Variants in PRKX observed in about 807,000 individuals in gnomAD.
The protein encoded by PRKX is cAMP-dependent protein kinase catalytic subunit PRKX.
In PRKX, 12 loss-of-function variants were observed where a neutral mutation model predicts 22.0. That is an observed-to-expected ratio of 0.54 (90% CI 0.35 to 0.88). The LOEUF is 0.88. Among genes scored for constraint, PRKX ranks in the 40% least tolerant of loss-of-function variants. The pLI, the probability that PRKX is intolerant of heterozygous loss-of-function variation, is 0.01. For missense variants in PRKX, 217 were observed against 308.0 expected, an observed-to-expected ratio of 0.70 and a Z score of 2.21; for synonymous variants, 134 against 137.7, an observed-to-expected ratio of 0.97 and a Z score of 0.19.
chrX:3,646,185 C>T (rs182508610), intron 3 of PRKX, among the ~76,000 whole-genome samples: 8 of 109,062 alleles, frequency 7.3e-5, no homozygotes, highest in African/African-American at 1.7e-4. Context: ...CCAGCTACTC[C>T]GGAGGCTGAG....
chrX:3,637,840 C>G lies in PRKX; in HGVS notation c.719+4012G>C, dbSNP rs1241147234. ...GGAGTGCAGTGGTGCGATCTCGGCTCACCGCAACCTACCCGCCTCCTAGGT... is the reference window on the plus strand; with the variant it reads ...GGAGTGCAGTGGTGCGATCTCGGCTGACCGCAACCTACCCGCCTCCTAGGT... On this transcript the variant is annotated intron_variant, in intron 4 of 8. Coordinates refer to ENST00000262848, the MANE Select transcript of PRKX (RefSeq NM_005044.5). Among the ~76,000 whole-genome samples, 6 of 107,581 alleles carry G rather than the reference C, an allele frequency of 5.6e-5. No homozygotes were observed. In the South Asian group the frequency reaches 2.5e-3, roughly 45 times the overall value. 93.4% of individuals were successfully genotyped at this position (107,581 alleles called of 115,157 possible). A position where few individuals can be genotyped will look rare whatever the true frequency, so the allele number is the denominator to read the frequency against.
In PRKX at chrX:3,698,767, T is replaced by C. The variant is rs756367340; in HGVS notation, c.166+14321A>G. Among the ~76,000 whole-genome samples the C allele has an allele frequency of 4.6e-5, 5 of 108,535 alleles. No homozygotes were observed. In the South Asian group the frequency reaches 2.0e-3, roughly 44 times the overall value. 94.2% of individuals were successfully genotyped at this position (108,535 alleles called of 115,157 possible). On this transcript the variant is annotated intron_variant, in intron 1 of 8. Coordinates refer to ENST00000262848, the MANE Select transcript of PRKX (RefSeq NM_005044.5). Reference sequence around the variant, plus strand: ...CCACACACCCGGCTAATTTTTGTAGTTTTGGTAGAGACAGAGTTTCACCAT... The same window carrying C: ...CCACACACCCGGCTAATTTTTGTAGCTTTGGTAGAGACAGAGTTTCACCAT...
intron 2 of PRKX, among the ~76,000 whole-genome samples, chrX:3,658,554 C>G (rs1351080888): frequency 5.4e-5 from 6 of 111,450 alleles, no homozygotes. Flanking sequence ...TCCCGAAGTG[C>G]TGGGATTACA....
intron 4 of PRKX, among the ~76,000 whole-genome samples, chrX:3,631,754 AC>A (rs1730485065): frequency 9.0e-6 from 1 of 110,875 alleles, no homozygotes; most frequent in South Asian, 3.8e-4. Flanking sequence ...GGAGGCAGAG[AC>A]TGCAGTGATG....
At position 3,650,851 on chromosome X, in the gene PRKX, C is replaced by T. The variant is rs1043888667; in HGVS notation, c.599+4298G>A. On this transcript the variant is annotated intron_variant, in intron 3 of 8. Transcript: ENST00000262848. ...CCAAGATCCCACCACTGCACTCCAGCCTGAGTGACAGAGTAAGACCCTGTC... is the reference window on the plus strand; with the variant it reads ...CCAAGATCCCACCACTGCACTCCAGTCTGAGTGACAGAGTAAGACCCTGTC... Among the ~76,000 whole-genome samples, 4 of 101,708 alleles carry T rather than the reference C, an allele frequency of 3.9e-5. No individual in the cohort carries two copies. In the Admixed American group the frequency reaches 4.2e-4, roughly 11 times the overall value. 88.3% of individuals were successfully genotyped at this position (101,708 alleles called of 115,157 possible).
intron 1 of PRKX, among the ~76,000 whole-genome samples, chrX:3,675,039 A>G (rs1927923146): frequency 8.9e-6 from 1 of 111,906 alleles, no homozygotes; most frequent in Admixed American, 9.5e-5. Context: ...TGGTTCCTCA[A>G]TTTGGGGACA....
chrX:3,617,590 G>A (rs1311279846), intron 6 of PRKX, among the ~76,000 whole-genome samples: 3 of 110,545 alleles, frequency 2.7e-5, no homozygotes, highest in Non-Finnish European at 5.7e-5. Flanking sequence ...AGGCTGCAGT[G>A]AGCTGTGATC....
intron 6 of PRKX, among the ~76,000 whole-genome samples, chrX:3,617,198 TATATAC>T (rs1257576790): frequency 9.1e-6 from 1 of 109,392 alleles, no homozygotes; most frequent in Non-Finnish European, 1.9e-5. Flanking sequence ...TACACATACT[TATATAC>T]ATACACGTTA....
At chrX:3,670,952 T>G (rs1427853667) in intron 2 of PRKX, among the ~76,000 whole-genome samples, 1 of 112,308 alleles carries the variant, frequency 8.9e-6, no homozygotes, top group African/African-American at 3.2e-5. Flanking sequence ...GATCCAAAAC[T>G]TTTCATGAGA....
At chrX:3,636,971 AAAAGGGG>A (rs1187305647) in intron 4 of PRKX, among the ~76,000 whole-genome samples, 2 of 106,275 alleles carry the variant, frequency 1.9e-5, no homozygotes, top group Non-Finnish European at 3.9e-5. Context: ...AAGGAAAGGA[AAAAGGGG>A]AAAGGGGAAA....
At chrX:3,708,778 C>T (rs1248790522) in intron 1 of PRKX, among the ~76,000 whole-genome samples, 5 of 108,114 alleles carry the variant, frequency 4.6e-5, no homozygotes, top group African/African-American at 6.8e-5. Flanking sequence ...GCAGGAGAAT[C>T]GCTTGAACCC....
chrX:3,702,538 C>A (rs1183659647), intron 1 of PRKX, among the ~76,000 whole-genome samples: 1 of 105,531 alleles, frequency 9.5e-6, no homozygotes, highest in African/African-American at 3.5e-5. Context: ...GCGTGGGTTG[C>A]AAGGATCTGT....
intron 4 of PRKX, among the ~76,000 whole-genome samples, chrX:3,636,598 G>A (rs1207604510): frequency 8.9e-6 from 1 of 112,740 alleles, no homozygotes; most frequent in African/African-American, 3.2e-5. Context: ...GGTGGCTCAC[G>A]CCTGTAACCC....
At chrX:3,644,063 T>C (rs898348259) in intron 3 of PRKX, among the ~76,000 whole-genome samples, 1 of 109,815 alleles carries the variant, frequency 9.1e-6, no homozygotes, top group African/African-American at 3.3e-5. Context: ...ACAAACTGGC[T>C]GCCATCCAAA....
rs1373569957 is a variant in PRKX, at chrX:3,613,871, AAAAAAAAAAGAAG to A, written c.952-1559_952-1547del. 8.7e-5 allele frequency among the ~76,000 whole-genome samples: 9 copies of A among 103,960 alleles called. No homozygotes were observed. The East Asian group carries it at 1.6e-3, about 18-fold the overall frequency. The allele number at this position is 103,960 out of a possible 115,157, so 90.3% of individuals were successfully genotyped here. ...CTCCATCTCAAAAAAAAAAAAAAAA[AAAAAAAAAAGAAG>A]CGTATCATCCCAGGCTCCAGCCCCA... On this transcript the variant is annotated intron_variant, in intron 7 of 8. Coordinates refer to ENST00000262848, the MANE Select transcript of PRKX (RefSeq NM_005044.5).
At chrX:3,639,490 GAGT>G in intron 4 of PRKX, among the ~76,000 whole-genome samples, 2 of 30,083 alleles carry the variant, frequency 6.6e-5, no homozygotes, top group African/African-American at 1.1e-4. Context: ...GGGGGTGGGG[GAGT>G]GGGTACATGG....
At chrX:3,624,063 G>GA (rs1456753828) in intron 5 of PRKX, among the ~76,000 whole-genome samples, 1 of 111,080 alleles carries the variant, frequency 9.0e-6, no homozygotes, top group Non-Finnish European at 1.9e-5. Context: ...ATTTGGATAA[G>GA]AAAAATGCCT....
chrX:3,615,687 G>T, intron 7 of PRKX, 128 bp downstream of exon 7: 1 of 590,934 alleles, frequency 1.7e-6, no homozygotes, highest in Non-Finnish European at 2.7e-6. Context: ...AACAGTTTTA[G>T]ACAAATAGTT....
At chrX:3,618,342 G>C (rs1344774981) in intron 6 of PRKX, among the ~76,000 whole-genome samples, 1 of 111,132 alleles carries the variant, frequency 9.0e-6, no homozygotes. Context: ...ATCTTGCTGG[G>C]TGCAGTGGCT....
Sources: gnomAD v4.1 joint callset for allele counts (sites outside exome capture counted in the v4.1 genomes callset) on GRCh38, gnomAD v4.1.1 for gene constraint, MANE v1.5 for transcripts, NCBI Gene and HGNC (gene_info 2026-07-23, HGNC 2026-07-21) for gene names.